The following COL5A1 variants were observed in gnomAD, a reference collection of about 807,000 sequenced individuals.
COL5A1 encodes collagen type V alpha 1 chain.
A neutral mutation model predicts 263.7 loss-of-function variants in COL5A1; 16 were observed. The observed-to-expected ratio is 0.06, with a 90% CI of 0.04 to 0.09. The LOEUF (loss-of-function observed/expected upper bound fraction) is 0.09, where lower values mean the gene tolerates loss of function less well. Among genes scored for constraint, COL5A1 ranks in the 10% least tolerant of loss-of-function variants. COL5A1 has a pLI of 1.00. For missense variants in COL5A1, 2,036 were observed against 2,540.5 expected (o/e 0.80, Z 4.27); for synonymous variants, 1,012 against 1,004.5 (o/e 1.01, Z -0.14).
chr9:134,690,750 C>CTT (rs1833249405), intron 1 of COL5A1, among the ~76,000 whole-genome samples, 162 bp from the exon 2 acceptor site: 2 of 152,186 alleles, frequency 1.3e-5, no homozygotes, highest in East Asian at 1.9e-4. Flanking sequence ...TGGTGCCCTG[C>CTT]CTCGCCCAGC....
At chr9:134,675,848 A>G (rs912347223) in intron 1 of COL5A1, among the ~76,000 whole-genome samples, 1 of 152,334 alleles carries the variant, frequency 6.6e-6, no homozygotes, top group East Asian at 1.9e-4. Flanking sequence ...TCCAAGAGAC[A>G]TGGGAGTAGA....
In COL5A1 at chr9:134,647,826, C is replaced by T. The variant is rs947126701; in HGVS notation, c.109+5530C>T. Among the ~76,000 whole-genome samples, 1 of 152,216 alleles carries T rather than the reference C, an allele frequency of 6.6e-6. No individual in the cohort carries two copies. The highest frequency in any genetic ancestry group is 2.4e-5 in the African/African-American group (1 of 41,458). On this transcript the variant is annotated intron_variant, in intron 1 of 65. Transcript: ENST00000371817. This position sits in a 1 kb window ranked among gnomAD's most constrained non-coding sequence, Gnocchi z 5.0. The stretch of plus-strand genomic sequence containing the variant: ...TTGACTCGTCTGCTCTCTCTCAGTG[C>T]TTTGCCAAGTGTCGGTTTTAAAGTT...
Position 134,737,214 on chromosome 9 carries a change from C to T in COL5A1, c.1390-1260C>T, listed in dbSNP as rs183648279. Among the ~76,000 whole-genome samples the T allele has an allele frequency of 5.9e-3, 899 of 152,330 alleles. 6 individuals are homozygous for T. Among genetic ancestry groups the T allele is most frequent in the South Asian group, 0.024 (117 of 4,832 alleles). ...CACACTTTGACCTCTACGTGGAGGG[C>T]GCCATGGCCGCAGTTCCTGCCTTCC... On this transcript the variant is annotated intron_variant, in intron 9 of 65. Coordinates refer to ENST00000371817, the MANE Select transcript of COL5A1 (RefSeq NM_000093.5).
chr9:134,828,560 C>G (rs1398679244), intron 63 of COL5A1, among the ~76,000 whole-genome samples: 1 of 149,690 alleles, frequency 6.7e-6, no homozygotes, highest in Non-Finnish European at 1.5e-5. Context: ...ACGCACCACA[C>G]ACACAATACA....
At chr9:134,699,595 T>A (rs1588448374) in intron 2 of COL5A1, among the ~76,000 whole-genome samples, 1 of 151,588 alleles carries the variant, frequency 6.6e-6, no homozygotes, top group South Asian at 2.1e-4. Context: ...CTCCTGAGGG[T>A]CAACACACAG....
intron 4 of COL5A1, among the ~76,000 whole-genome samples, chr9:134,703,331 G>A (rs77727965): frequency 0.014 from 2,080 of 152,330 alleles, 44 homozygotes; most frequent in African/African-American, 0.047. Context: ...AGCCAGGCAG[G>A]AGGCAGCTTC....
chr9:134,747,724 G>C (rs946736109), intron 11 of COL5A1, among the ~76,000 whole-genome samples: 2 of 122,752 alleles, frequency 1.6e-5, no homozygotes, highest in African/African-American at 6.3e-5. Flanking sequence ...CACACATGCA[G>C]ACACATGCAC....
At chr9:134,825,765 G>A (rs573777325) in intron 62 of COL5A1, 27 bp from the exon 63 acceptor site, 51 of 1,493,804 alleles carry the variant, frequency 3.4e-5, no homozygotes, top group African/African-American at 2.6e-4. Context: ...GACTCTGCCT[G>A]CCTCCCTCCC....
In COL5A1 at chr9:134,820,522, T is replaced by C. The variant is rs577876901; in HGVS notation, c.4554+299T>C. ...TCGGAAGTCAGGTCATTCTGCCTGGTTCCCAGCCCTGTGGGAGAGCCTGTC... is the reference window on the plus strand; with the variant it reads ...TCGGAAGTCAGGTCATTCTGCCTGGCTCCCAGCCCTGTGGGAGAGCCTGTC... On this transcript the variant is annotated intron_variant, in intron 58 of 65. Transcript: ENST00000371817. Among the ~76,000 whole-genome samples the C allele has an allele frequency of 3.2e-4, 49 of 152,306 alleles. No individual in the cohort carries two copies. In the South Asian group the frequency reaches 9.7e-3, roughly 30 times the overall value.
chr9:134,743,472 G>A (rs934375045), intron 11 of COL5A1, among the ~76,000 whole-genome samples: 1 of 152,150 alleles, frequency 6.6e-6, no homozygotes, highest in Non-Finnish European at 1.5e-5. Context: ...TGGGTCTGTG[G>A]GCAGGTCCCA....
chr9:134,795,429 G>A (rs1474774161), intron 34 of COL5A1, 114 bp downstream of exon 34: 14 of 837,496 alleles, frequency 1.7e-5, no homozygotes, highest in Non-Finnish European at 2.6e-5. Context: ...AAAAAAAAAG[G>A]CAGGACATTT....
rs139822656 is a variant in COL5A1, at chr9:134,763,722, G to A, written c.2019G>A (p.Gly673=). Residue 673 remains glycine (G), a synonymous_variant, in exon 20 of 66, where the codon GGG becomes GGA. Coordinates refer to ENST00000371817, the MANE Select transcript of COL5A1 (RefSeq NM_000093.5). ...RGDDGEVGPR[G]LPGEPGPRGL... is the part of the protein sequence containing the mutation. ...ACGACGGAGAAGTTGGGCCCAGGGG[G>A]CTGCCTGGGGAGCCCGTAAGTCTGT... The A allele has an allele frequency of 6.8e-6, 11 of 1,613,690 alleles. No homozygotes were observed. Among genetic ancestry groups the A allele is most frequent in the African/African-American group, 1.3e-5 (1 of 75,038 alleles).
rs116110863 is a variant in COL5A1 at position 134,713,756 on chromosome 9, C to G, written c.654+12423C>G. The stretch of plus-strand genomic sequence containing the variant: ...ACGCTGTCACAGGTGGCGTTAGGGA[C>G]AGAGGGCAGGGTGATCTCAGGTCTG... On this transcript the variant is annotated intron_variant, in intron 4 of 65. Coordinates refer to ENST00000371817, the MANE Select transcript of COL5A1 (RefSeq NM_000093.5). Among the ~76,000 whole-genome samples, 481 of 152,260 alleles carry G rather than the reference C, an allele frequency of 3.2e-3. 2 individuals are homozygous for G. The highest frequency in any genetic ancestry group is 0.011 in the African/African-American group (450 of 41,542).
chr9:134,685,370 T>G (rs1833007028), intron 1 of COL5A1, among the ~76,000 whole-genome samples: 1 of 140,372 alleles, frequency 7.1e-6, no homozygotes, highest in Admixed American at 7.0e-5. Context: ...CCACCATCCA[T>G]TCACCCATCC....
Position 134,652,987 on chromosome 9 carries a change from C to T in COL5A1, c.109+10691C>T, listed in dbSNP as rs995329916. On this transcript the variant is annotated intron_variant, in intron 1 of 65. Coordinates refer to ENST00000371817, the MANE Select transcript of COL5A1 (RefSeq NM_000093.5). The surrounding 1 kb of genome is among the most constrained non-coding windows in gnomAD (Gnocchi z 4.4). ...CAAACCACGAGTCGTTCTGCGTCCT[C>T]GAGCCCAGGGTCTTGGATTTCAGCA... The T allele has an allele frequency of 2.5e-5, 7 of 274,842 alleles. No homozygotes were observed. Among genetic ancestry groups the T allele is most frequent in the East Asian group, 1.1e-4 (1 of 9,260 alleles). The allele number at this position is 274,842 out of a possible 1,614,324, so 17.0% of individuals were successfully genotyped here.
At chr9:134,813,645 G>A (rs974890869) in intron 48 of COL5A1, among the ~76,000 whole-genome samples, 8 of 152,168 alleles carry the variant, frequency 5.3e-5, no homozygotes, top group South Asian at 2.1e-4. Flanking sequence ...CTCCTGCCTC[G>A]GCCCTGGCCA....
intron 37 of COL5A1, among the ~76,000 whole-genome samples, chr9:134,799,175 C>T (rs3811156): frequency 0.097 from 14,765 of 152,252 alleles, 1,319 homozygotes; most frequent in African/African-American, 0.24. Flanking sequence ...CTACTTCATC[C>T]AGACCAGAAA....
In COL5A1 at chr9:134,680,450, G is replaced by A. The variant is rs1042199935; in HGVS notation, c.110-10462G>A. Among the ~76,000 whole-genome samples the A allele has an allele frequency of 2.6e-5, 4 of 152,168 alleles. No individual in the cohort carries two copies. Among genetic ancestry groups the A allele is most frequent in the Admixed American group, 1.3e-4 (2 of 15,284 alleles). ...CCTTCCAGGTGCGAGCTCCCTGCCC[G>A]GCACACCTGTACCTGTTCCTCCATG... On this transcript the variant is annotated intron_variant, in intron 1 of 65. Transcript: ENST00000371817. This position sits in a 1 kb window ranked among gnomAD's most constrained non-coding sequence, Gnocchi z 5.9.
At chr9:134,685,940 A>ACCAT (rs146827064) in intron 1 of COL5A1, among the ~76,000 whole-genome samples, 1 of 146,190 alleles carries the variant, frequency 6.8e-6, no homozygotes, top group Non-Finnish European at 1.5e-5. Context: ...CCATCCATCC[A>ACCAT]CCATCCATCC....
Sources: gnomAD v4.1 joint callset for allele counts (sites outside exome capture counted in the v4.1 genomes callset) on GRCh38, gnomAD v4.1.1 for gene constraint, Gnocchi (gnomAD v3.1) non-coding constraint, MANE v1.5 for transcripts, NCBI Gene and HGNC (gene_info 2026-07-23, HGNC 2026-07-21) for gene names.